The following STARD9 variants were observed in gnomAD, a reference collection of about 807,000 sequenced individuals.
STARD9 encodes the protein StAR related lipid transfer domain containing 9, also known as stAR-related lipid transfer protein 9.
In STARD9, 346 loss-of-function variants were observed where a neutral mutation model predicts 399.8. The ratio of observed to expected loss-of-function variants is 0.87; its 90% CI spans 0.79 to 0.95. STARD9 has a LOEUF of 0.95. STARD9 is among the 40% of genes least tolerant of loss of function. The probability of loss-of-function intolerance (pLI) is 0.00; values close to 1 mark genes in which losing one functional copy is unlikely to be tolerated. For missense variants in STARD9, 5,832 were observed against 5,667.5 expected (o/e 1.03, Z -0.93); for synonymous variants, 2,203 against 2,143.5 (o/e 1.03, Z -0.77).
intron 3 of STARD9, among the ~76,000 whole-genome samples, chr15:42,611,747 C>T (rs567252690): frequency 2.0e-5 from 3 of 152,066 alleles, no homozygotes; most frequent in South Asian, 2.1e-4. Context: ...GATACAAGGA[C>T]GAGGGGTGAT....
At chr15:42,660,407 A>T (rs2059970830) in intron 9 of STARD9, among the ~76,000 whole-genome samples, 2 of 152,018 alleles carry the variant, frequency 1.3e-5, no homozygotes, top group South Asian at 4.1e-4. Context: ...TCTGCTAAAA[A>T]TACAAAATTA....
chr15:42,709,112 A>G (rs1183184369), intron 26 of STARD9, among the ~76,000 whole-genome samples: 1 of 152,216 alleles, frequency 6.6e-6, no homozygotes, highest in Non-Finnish European at 1.5e-5. Context: ...ATTAATGAAC[A>G]TGGCTGAATG....
chr15:42,608,047 C>G (rs539940694), intron 3 of STARD9, among the ~76,000 whole-genome samples: 3 of 152,230 alleles, frequency 2.0e-5, no homozygotes, highest in African/African-American at 7.2e-5. Context: ...TTTTTGCATA[C>G]ACTTTGGTAA....
chr15:42,713,822 A>T (rs1011684153), intron 26 of STARD9, among the ~76,000 whole-genome samples: 1 of 152,118 alleles, frequency 6.6e-6, no homozygotes, highest in African/African-American at 2.4e-5. Flanking sequence ...GTGTGTATTC[A>T]TAAGGGATAT....
chr15:42,608,567 G>T (rs1296824433), intron 3 of STARD9, among the ~76,000 whole-genome samples: 1 of 152,098 alleles, frequency 6.6e-6, no homozygotes, highest in Non-Finnish European at 1.5e-5. Context: ...TTCCACATAG[G>T]CAGGAATGAA....
chr15:42,592,328 G>C (rs1255346278), intron 3 of STARD9, among the ~76,000 whole-genome samples: 1 of 152,188 alleles, frequency 6.6e-6, no homozygotes, highest in Non-Finnish European at 1.5e-5. Context: ...GAAAACTGGA[G>C]AAGGGGAGAG....
intron 1 of STARD9, chr15:42,581,100 T>G: frequency 1.5e-6 from 1 of 682,182 alleles, no homozygotes; most frequent in East Asian, 2.9e-5. Flanking sequence ...GTGTTGCTGC[T>G]TTTCTTCTAA....
Position 42,692,832 on chromosome 15 carries a change from G to A in STARD9, c.11254G>A (p.Ala3752Thr), listed in dbSNP as rs2060745252. 1.3e-6 allele frequency: 2 copies of A among 1,537,096 alleles called. No individual in the cohort carries two copies. Among genetic ancestry groups the A allele is most frequent in the South Asian group, 1.2e-5 (1 of 84,070 alleles). The change falls in exon 23 of 33, where the codon GCT (alanine) becomes ACT (threonine). Residue 3752 changes from alanine to threonine, a missense_variant. Ala to Thr is a moderately conservative substitution (Grantham distance 58, BLOSUM62 0). This residue lies in a region of STARD9 where 5,828 missense variants were observed against 5,651.1 expected (regional missense o/e 1.03). Coordinates refer to ENST00000290607, the MANE Select transcript of STARD9 (RefSeq NM_020759.3). Reference sequence around the variant, plus strand: ...CACCCTGTGCCTCCAGACTTCAGAGGCTGAACCTCAGGGAGCCAATGTGAT... The same window carrying A: ...CACCCTGTGCCTCCAGACTTCAGAGACTGAACCTCAGGGAGCCAATGTGAT... ...LPTLCLQTSE[A>T]EPQGANVILE... is the part of the protein sequence containing the mutation.
Position 42,674,495 on chromosome 15 carries a change from A to G in STARD9, c.1549+4A>G. 6.5e-7 allele frequency: 1 copy of G among 1,537,042 alleles called. No individual in the cohort carries two copies. Among genetic ancestry groups the G allele is most frequent in the Middle Eastern group, 1.7e-4 (1 of 5,990 alleles). ...TCAGACCAGGAACAGGACATTGGTA[A>G]GTGGCAGAGTATATGAGTCCAGCAT... On this transcript the variant is annotated splice_donor_region_variant and intron_variant, in intron 17 of 32. Transcript: ENST00000290607.
At chr15:42,648,633 A>G (rs1177541660) in intron 7 of STARD9, among the ~76,000 whole-genome samples, 1 of 152,154 alleles carries the variant, frequency 6.6e-6, no homozygotes, top group Middle Eastern at 3.2e-3. Context: ...GTCTTTGAAC[A>G]GTTTATTATG....
At position 42,691,610 on chromosome 15, in the gene STARD9, T is replaced by C. The variant is rs1225250268; in HGVS notation, c.10032T>C (p.Pro3344=). The change falls in exon 23 of 33, where the codon CCT becomes CCC. Residue 3344 remains proline (P), a synonymous_variant. Coordinates refer to ENST00000290607, the MANE Select transcript of STARD9 (RefSeq NM_020759.3). ...SLQELNLSVE[P]PSPTDEDTQG... is the part of the protein sequence containing the mutation. ...AGGAGCTGAACTTGAGTGTGGAGCC[T>C]CCTTCCCCTACAGACGAAGATACAC... 2 of 1,537,216 alleles carry C rather than the reference T, an allele frequency of 1.3e-6. No homozygotes were observed. Among genetic ancestry groups the C allele is most frequent in the Middle Eastern group, 1.7e-4 (1 of 5,990 alleles).
chr15:42,686,705 T>G lies in STARD9; in HGVS notation c.5127T>G (p.Val1709=). 1 of 1,537,764 alleles carries G rather than the reference T, an allele frequency of 6.5e-7. No homozygotes were observed. Among genetic ancestry groups the G allele is most frequent in the Middle Eastern group, 1.7e-4 (1 of 5,994 alleles). ...GCCAGGAGAGCTCTAAGGAAGCAGTTAGAAGACACATAAATGTTTCCTTTG... is the reference window on the plus strand; with the variant it reads ...GCCAGGAGAGCTCTAAGGAAGCAGTGAGAAGACACATAAATGTTTCCTTTG... ...TDCQESSKEA[V]RRHINVSFAL... is the part of the protein sequence containing the mutation. The change falls in exon 23 of 33, where the codon GTT becomes GTG. Residue 1709 remains valine (V), a synonymous_variant. Transcript: ENST00000290607.
At chr15:42,597,503 G>C (rs2058529965) in intron 3 of STARD9, among the ~76,000 whole-genome samples, 1 of 152,060 alleles carries the variant, frequency 6.6e-6, no homozygotes, top group African/African-American at 2.4e-5. Context: ...AGGTAGCTGG[G>C]ATTACAGGTG....
intron 32 of STARD9, among the ~76,000 whole-genome samples, chr15:42,719,147 A>G (rs1299936111): frequency 2.0e-5 from 3 of 152,196 alleles, no homozygotes; most frequent in Non-Finnish European, 2.9e-5. Flanking sequence ...CCGAAAACCT[A>G]GTGACCTGCA....
rs529827803 is a variant in STARD9, at chr15:42,684,641, C to T, written c.3063C>T (p.His1021=). 5.3e-5 allele frequency: 81 copies of T among 1,536,986 alleles called. No individual in the cohort carries two copies. Among genetic ancestry groups the T allele is most frequent in the South Asian group, 1.4e-4 (12 of 84,058 alleles). ...ATGGACCCAGGCAGACTGCTGGGCA[C>T]GGAAAGGCAGTCAAGACTTTTTGGA... ...YPHGPRQTAG[H]GKAVKTFWTE... The change falls in exon 23 of 33, where the codon CAC becomes CAT. Residue 1021 remains histidine, a synonymous_variant. Transcript: ENST00000290607.
chr15:42,656,146 A>G (rs2059864407), intron 9 of STARD9, among the ~76,000 whole-genome samples: 1 of 152,018 alleles, frequency 6.6e-6, no homozygotes, highest in Admixed American at 6.6e-5. Context: ...ACCTGAGGTC[A>G]GGTGTTCAAG....
chr15:42,631,365 T>C (rs944518458), intron 3 of STARD9, among the ~76,000 whole-genome samples: 1 of 152,080 alleles, frequency 6.6e-6, no homozygotes, highest in African/African-American at 2.4e-5. Flanking sequence ...GCAGACTGCC[T>C]GAGCTCAGGA....
chr15:42,712,080 A>AAATATTTTATATTTATAT (rs2061237688), intron 26 of STARD9, among the ~76,000 whole-genome samples: 2 of 40,334 alleles, frequency 5.0e-5, no homozygotes, highest in Admixed American at 7.2e-4. Flanking sequence ...ATATATATAT[A>AAATATTTTATATTTATAT]TTATATATAT....
At chr15:42,655,569 A>G (rs1001298934) in intron 9 of STARD9, among the ~76,000 whole-genome samples, 1 of 152,226 alleles carries the variant, frequency 6.6e-6, no homozygotes, top group Non-Finnish European at 1.5e-5. Flanking sequence ...CATCTCCCAC[A>G]TTATACAAAA....
Sources: gnomAD v4.1 joint callset for allele counts (sites outside exome capture counted in the v4.1 genomes callset) on GRCh38, gnomAD v4.1.1 for gene constraint, gnomAD v4.1.1 regional missense constraint, MANE v1.5 for transcripts, NCBI Gene and HGNC (gene_info 2026-07-23, HGNC 2026-07-21) for gene names.